Variants in APOO observed in about 807,000 individuals in gnomAD.
The protein encoded by APOO is MICOS complex subunit MIC26.
Under a neutral mutation model 23.1 loss-of-function variants are expected in APOO, and 11 were observed. The observed-to-expected ratio is 0.48, with a 90% CI of 0.30 to 0.79. The LOEUF (loss-of-function observed/expected upper bound fraction) is 0.79. Ranked by LOEUF, APOO falls within the 30% of genes least tolerant of loss-of-function variation. The pLI is 0.07. For missense variants in APOO, 160 were observed against 142.7 expected, an observed-to-expected ratio of 1.12 and a Z score of -0.62; for synonymous variants, 59 against 54.8, an observed-to-expected ratio of 1.08 and a Z score of -0.34.
chrX:23,873,620 C>A lies in APOO; in HGVS notation c.292+783G>T, dbSNP rs768277909. Among the ~76,000 whole-genome samples the A allele has an allele frequency of 3.8e-4, 40 of 106,143 alleles. No homozygotes were observed. In the South Asian group the frequency reaches 0.011, roughly 29 times the overall value. 92.2% of individuals were successfully genotyped at this position (106,143 alleles called of 115,157 possible). On this transcript the variant is annotated intron_variant, in intron 4 of 8. Transcript: ENST00000379226. ...ATATTTTGTCTCAAAAAAAAAAAAACAAAAAACCAGTAGGCAGCTATTGTT... is the reference window on the plus strand; with the variant it reads ...ATATTTTGTCTCAAAAAAAAAAAAAAAAAAAACCAGTAGGCAGCTATTGTT...
rs1453830709 is a variant in APOO, at chrX:23,907,738, G to A, written c.-36C>T. The A allele has an allele frequency of 2.6e-6, 3 of 1,158,562 alleles. No individual in the cohort carries two copies. The highest frequency in any genetic ancestry group is 1.8e-5 in the African/African-American group (1 of 56,106). ...GCGGAGGCTCCGGCAGGGTCACCCCGGCCTCGGCCACGCCCACTATAGAGA... is the reference window on the plus strand; with the variant it reads ...GCGGAGGCTCCGGCAGGGTCACCCCAGCCTCGGCCACGCCCACTATAGAGA... On this transcript the variant is annotated 5_prime_UTR_variant, in exon 1 of 9. Transcript: ENST00000379226.
intron 8 of APOO, among the ~76,000 whole-genome samples, chrX:23,838,076 C>T (rs1923782600): frequency 9.4e-6 from 1 of 105,850 alleles, no homozygotes; most frequent in South Asian, 4.3e-4. Flanking sequence ...ATAAAGGGGC[C>T]AGATGTGGTG....
At chrX:23,847,063 A>C (rs1924277671) in intron 7 of APOO, among the ~76,000 whole-genome samples, 2 of 111,654 alleles carry the variant, frequency 1.8e-5, no homozygotes, top group South Asian at 7.5e-4. Context: ...TTTCAAGAAG[A>C]AGCCAATAAA....
chrX:23,888,742 C>T (rs1183569261), intron 1 of APOO, among the ~76,000 whole-genome samples: 2 of 102,929 alleles, frequency 1.9e-5, no homozygotes, highest in East Asian at 3.3e-4. Context: ...CCCAGCTACT[C>T]GGGAGGCTGA....
chrX:23,885,407 ATATAAC>A lies in APOO; in HGVS notation c.10-4461_10-4456del, dbSNP rs1271397293. Among the ~76,000 whole-genome samples, 231 of 105,667 alleles carry A rather than the reference ATATAAC, an allele frequency of 2.2e-3. 1 individual carries two copies. Among genetic ancestry groups the A allele is most frequent in the African/African-American group, 7.4e-3 (217 of 29,310 alleles). The allele number at this position is 105,667 out of a possible 115,157, so 91.8% of individuals were successfully genotyped here. ...ATATATATTATATATATATATAAAT[ATATAAC>A]TATATCTATACATAACTATATATAT... is the stretch of plus-strand genomic sequence containing the variant. On this transcript the variant is annotated intron_variant, in intron 1 of 8. Coordinates refer to ENST00000379226, the MANE Select transcript of APOO (RefSeq NM_024122.5).
intron 4 of APOO, among the ~76,000 whole-genome samples, chrX:23,873,189 C>A (rs1925695713): frequency 8.9e-6 from 1 of 112,060 alleles, no homozygotes; most frequent in Non-Finnish European, 1.9e-5. Flanking sequence ...ACCATCCTCA[C>A]TCCACCCCCA....
chrX:23,907,395 G>C (rs1240039181), intron 1 of APOO, among the ~76,000 whole-genome samples: 1 of 112,350 alleles, frequency 8.9e-6, no homozygotes. Context: ...GAGGGTACTA[G>C]CCGAGGGGAT....
Position 23,878,937 on chromosome X carries a change from T to C in APOO, c.215A>G (p.Glu72Gly), listed in dbSNP as rs1408505402. Residue 72 changes from glutamate to glycine, a missense_variant, in exon 3 of 9, where the codon GAG (glutamate) becomes GGG (glycine). Coordinates refer to ENST00000379226, the MANE Select transcript of APOO (RefSeq NM_024122.5). ...ESISQLRHYC[E>G]PYTTWCQETY... ...TACCTGACACCAGGTTGTGTATGGC[T>C]CGCAATAGTGTCGGAGCTGTGAGAT... The C allele has an allele frequency of 8.3e-7, 1 of 1,209,308 alleles. No homozygotes were observed. The highest frequency in any genetic ancestry group is 1.1e-6 in the Non-Finnish European group (1 of 894,938).
intron 7 of APOO, among the ~76,000 whole-genome samples, chrX:23,846,077 G>A (rs982375385): frequency 3.6e-5 from 4 of 110,850 alleles, no homozygotes; most frequent in African/African-American, 1.3e-4. Context: ...GGCCGAGGCA[G>A]GGGGATCACC....
intron 7 of APOO, among the ~76,000 whole-genome samples, chrX:23,843,218 A>G (rs1272855110): frequency 8.9e-6 from 1 of 111,896 alleles, no homozygotes; most frequent in Non-Finnish European, 1.9e-5. Flanking sequence ...AAATGAGCAC[A>G]CAAAAGCATT....
intron 2 of APOO, 76 bp from the exon 3 acceptor site, chrX:23,879,110 TTAATA>T (rs1925994758): frequency 9.4e-7 from 1 of 1,063,414 alleles, no homozygotes; most frequent in African/African-American, 1.9e-5. Flanking sequence ...TTGTAAGTAT[TTAATA>T]TAATATTTCT....
intron 1 of APOO, among the ~76,000 whole-genome samples, chrX:23,895,227 T>C (rs927486174): frequency 3.6e-5 from 4 of 111,532 alleles, no homozygotes; most frequent in African/African-American, 1.3e-4. Context: ...TGCAGCACTA[T>C]TTACAATAGC....
At chrX:23,868,809 T>C (rs1925461584) in intron 4 of APOO, 121 bp from the exon 5 acceptor site, 2 of 395,075 alleles carry the variant, frequency 5.1e-6, no homozygotes, top group Non-Finnish European at 8.5e-6. Context: ...CCACATATTC[T>C]CTGCATCCTG....
At chrX:23,864,938 G>T (rs1021596988) in intron 5 of APOO, among the ~76,000 whole-genome samples, 1 of 110,751 alleles carries the variant, frequency 9.0e-6, no homozygotes, top group Non-Finnish European at 1.9e-5. Context: ...AGGGAGAGCC[G>T]AGAAGTGGCA....
At chrX:23,902,820 C>T (rs1927183759) in intron 1 of APOO, among the ~76,000 whole-genome samples, 1 of 111,321 alleles carries the variant, frequency 9.0e-6, no homozygotes, top group Non-Finnish European at 1.9e-5. Context: ...CTAGTTAACC[C>T]AAGCTGTTAA....
At chrX:23,853,848 G>T (rs1324514527) in intron 7 of APOO, among the ~76,000 whole-genome samples, 1 of 109,279 alleles carries the variant, frequency 9.2e-6, no homozygotes, top group East Asian at 2.9e-4. Flanking sequence ...TGCCCAAGCT[G>T]GTCTCGAACA....
At chrX:23,858,506 T>C in intron 6 of APOO, 136 bp downstream of exon 6, 1 of 466,894 alleles carries the variant, frequency 2.1e-6, no homozygotes. Flanking sequence ...ATTTAAATTT[T>C]CTGTATTCAT....
intron 8 of APOO, among the ~76,000 whole-genome samples, chrX:23,839,766 C>T (rs187067333): frequency 3.8e-4 from 42 of 111,511 alleles, no homozygotes; most frequent in African/African-American, 1.3e-3. Flanking sequence ...CAATTAAATA[C>T]TGTAGAAACA....
intron 1 of APOO, among the ~76,000 whole-genome samples, chrX:23,892,376 TC>T (rs1407963507): frequency 9.2e-6 from 1 of 109,273 alleles, no homozygotes; most frequent in Non-Finnish European, 1.9e-5. Flanking sequence ...TGCCTCAGCC[TC>T]CCAAGTAGCT....
Sources: gnomAD v4.1 joint callset for allele counts (sites outside exome capture counted in the v4.1 genomes callset) on GRCh38, gnomAD v4.1.1 for gene constraint, MANE v1.5 for transcripts, NCBI Gene and HGNC (gene_info 2026-07-23, HGNC 2026-07-21) for gene names.